The following ZNF236 variants were observed in gnomAD, a reference collection of about 807,000 sequenced individuals.
ZNF236 encodes the protein zinc finger protein 236.
Under a neutral mutation model 191.2 loss-of-function variants are expected in ZNF236, and 50 were observed. That is an observed-to-expected ratio of 0.26 (90% CI 0.21 to 0.33). The LOEUF is 0.33. Ranked by LOEUF, ZNF236 falls within the 10% of genes least tolerant of loss-of-function variation. The probability of loss-of-function intolerance (pLI) is 1.00; values close to 1 mark genes in which losing one functional copy is unlikely to be tolerated. For synonymous variants in ZNF236, 907 were observed against 928.8 expected (o/e 0.98, Z 0.43); for missense variants, 1,754 against 2,374.5 (o/e 0.74, Z 5.43).
At chr18:76,823,384 C>CG (rs1015501538) in intron 1 of ZNF236, among the ~76,000 whole-genome samples, 12 of 151,072 alleles carry the variant, frequency 7.9e-5, no homozygotes, top group Non-Finnish European at 1.8e-4. Flanking sequence ...CATTGTGATC[C>CG]GGGGGGCTGG....
intron 4 of ZNF236, among the ~76,000 whole-genome samples, chr18:76,870,840 G>A (rs930692969): frequency 3.3e-5 from 5 of 152,164 alleles, no homozygotes; most frequent in African/African-American, 1.2e-4. Flanking sequence ...GAGCCTGCCC[G>A]GCGGGGCTGC....
chr18:76,856,516 T>A (rs1354800205), intron 3 of ZNF236, among the ~76,000 whole-genome samples: 3 of 152,246 alleles, frequency 2.0e-5, no homozygotes, highest in African/African-American at 7.2e-5. Flanking sequence ...GTTGTAAAAG[T>A]TGTCTCCTCC....
intron 1 of ZNF236, among the ~76,000 whole-genome samples, chr18:76,837,721 G>A (rs1045361592): frequency 5.9e-5 from 9 of 152,258 alleles, no homozygotes; most frequent in Non-Finnish European, 8.8e-5. Context: ...GATTACAGGC[G>A]TGACCCACCG....
At position 76,907,277 on chromosome 18, in the gene ZNF236, G is replaced by C. The variant is rs902427650; in HGVS notation, c.2298-1043G>C. Among the ~76,000 whole-genome samples the C allele has an allele frequency of 2.0e-5, 3 of 152,258 alleles. No individual in the cohort carries two copies. The South Asian group carries it at 6.2e-4, about 31-fold the overall frequency. ...GGCAGATTCCTAAGACACTGGAATA[G>C]AGCCCATGATGCAGCTTGTATGGTC... On this transcript the variant is annotated intron_variant, in intron 13 of 30. Transcript: ENST00000320610.
At chr18:76,934,317 C>G (rs1433409938) in intron 25 of ZNF236, among the ~76,000 whole-genome samples, 1 of 152,352 alleles carries the variant, frequency 6.6e-6, no homozygotes, top group Admixed American at 6.5e-5. Flanking sequence ...TCCCAACATC[C>G]ATTCCCAAAT....
At chr18:76,953,651 G>A (rs1234323668) in intron 27 of ZNF236, among the ~76,000 whole-genome samples, 1 of 152,204 alleles carries the variant, frequency 6.6e-6, no homozygotes, top group African/African-American at 2.4e-5. Context: ...GCTGGTCTCA[G>A]CTGGGAACTT....
chr18:76,952,594 T>G (rs1968435473), intron 27 of ZNF236, among the ~76,000 whole-genome samples: 1 of 152,190 alleles, frequency 6.6e-6, no homozygotes. Flanking sequence ...CCTGCTCCCA[T>G]GCTTTCTGGC....
At chr18:76,842,705 C>T (rs1293846913) in intron 1 of ZNF236, among the ~76,000 whole-genome samples, 2 of 151,418 alleles carry the variant, frequency 1.3e-5, no homozygotes, top group East Asian at 1.9e-4. Context: ...GAGCAGAGAT[C>T]GCGCCATCGC....
chr18:76,929,368 G>A (rs918013364), intron 25 of ZNF236, among the ~76,000 whole-genome samples: 2 of 152,098 alleles, frequency 1.3e-5, no homozygotes, highest in African/African-American at 4.8e-5. Flanking sequence ...GAATTTTAAT[G>A]TTGGAAATAC....
chr18:76,879,469 C>T lies in ZNF236; in HGVS notation c.985-644C>T, dbSNP rs1170839392. Among the ~76,000 whole-genome samples the T allele has an allele frequency of 7.9e-5, 12 of 152,264 alleles. No homozygotes were observed. In the East Asian group the frequency reaches 2.3e-3, roughly 29 times the overall value. ...AGTAACCAAAGTCCATAGTTTTTGT[C>T]AGGGTTTACTCTCAGAGTTGTCCAT... is the stretch of plus-strand genomic sequence containing the variant. On this transcript the variant is annotated intron_variant, in intron 7 of 30. Coordinates refer to ENST00000320610, the MANE Select transcript of ZNF236 (RefSeq NM_001306089.2).
intron 1 of ZNF236, among the ~76,000 whole-genome samples, chr18:76,835,142 A>G (rs1975284965): frequency 1.3e-5 from 2 of 152,158 alleles, no homozygotes; most frequent in Non-Finnish European, 2.9e-5. Flanking sequence ...TCTTGTCTTC[A>G]CTAAGTTCAA....
At chr18:76,926,360 C>T (rs557063536) in intron 22 of ZNF236, among the ~76,000 whole-genome samples, 18 of 151,300 alleles carry the variant, frequency 1.2e-4, no homozygotes, top group Non-Finnish European at 1.9e-4. Flanking sequence ...ACAGTGTATG[C>T]GTATGGCATA....
intron 26 of ZNF236, among the ~76,000 whole-genome samples, chr18:76,947,031 C>T (rs1010964163): frequency 6.6e-6 from 1 of 152,126 alleles, no homozygotes; most frequent in Non-Finnish European, 1.5e-5. Flanking sequence ...ACTCCATGTT[C>T]CCCCGACCCC....
Position 76,910,774 on chromosome 18 carries a change from G to T in ZNF236, c.2768G>T (p.Ser923Ile), listed in dbSNP as rs1333254289. The T allele has an allele frequency of 6.2e-7, 1 of 1,614,138 alleles. No homozygotes were observed. Among genetic ancestry groups the T allele is most frequent in the Admixed American group, 1.7e-5 (1 of 60,018 alleles). ...QALSTSFHQQ[S>I]LLQAPSSDGM... ...CTCTCCACAAGCTTCCACCAGCAGA[G>T]CTTGCTGCAGGCTCCCAGCTCTGAT... The change falls in exon 16 of 31, where the codon AGC becomes ATC. Residue 923 changes from serine (S) to isoleucine (I), a missense_variant. This residue lies in a region of ZNF236 where 641 missense variants were observed against 869.6 expected (regional missense o/e 0.74). Coordinates refer to ENST00000320610, the MANE Select transcript of ZNF236 (RefSeq NM_001306089.2).
intron 20 of ZNF236, among the ~76,000 whole-genome samples, chr18:76,922,298 G>A (rs1237929541): frequency 6.6e-6 from 1 of 152,148 alleles, no homozygotes; most frequent in Admixed American, 6.5e-5. Context: ...GGCCACCAGA[G>A]GGCCGTGTGC....
At chr18:76,830,507 C>T (rs150697061) in intron 1 of ZNF236, among the ~76,000 whole-genome samples, 5 of 152,228 alleles carry the variant, frequency 3.3e-5, no homozygotes, top group Admixed American at 1.3e-4. Flanking sequence ...GCATTTGTTC[C>T]GCAGGCTCGG....
intron 6 of ZNF236, among the ~76,000 whole-genome samples, chr18:76,877,702 A>G (rs1448365417): frequency 2.0e-5 from 3 of 152,216 alleles, no homozygotes; most frequent in African/African-American, 7.2e-5. Context: ...AACTGAGAAT[A>G]TCTTATGCCT....
At chr18:76,856,953 G>A (rs913368983) in intron 3 of ZNF236, among the ~76,000 whole-genome samples, 11 of 152,190 alleles carry the variant, frequency 7.2e-5, no homozygotes, top group Admixed American at 5.2e-4. Flanking sequence ...GCCTGGTACA[G>A]ATCCTCATAC....
chr18:76,902,339 G>A (rs1977618205), intron 11 of ZNF236, among the ~76,000 whole-genome samples: 1 of 152,180 alleles, frequency 6.6e-6, no homozygotes, highest in African/African-American at 2.4e-5. Context: ...AACATGGTAA[G>A]GAGAGGATTA....
Sources: allele counts gnomAD v4.1 joint callset (sites outside exome capture counted in the v4.1 genomes callset), GRCh38; gene constraint gnomAD v4.1.1; regional missense constraint gnomAD v4.1.1; transcripts MANE v1.5; gene names NCBI Gene and HGNC (gene_info 2026-07-23, HGNC 2026-07-21).